Variants in CFAP69 observed in about 807,000 individuals in gnomAD.
The protein encoded by CFAP69 is cilia and flagella associated protein 69.
CFAP69 carries 92 observed loss-of-function variants against 123.0 expected under a neutral mutation model. The observed-to-expected ratio is 0.75, with a 90% CI of 0.63 to 0.89. The LOEUF (loss-of-function observed/expected upper bound fraction) is 0.89. Among genes scored for constraint, CFAP69 ranks in the 40% least tolerant of loss-of-function variants. The pLI, the probability that CFAP69 is intolerant of heterozygous loss-of-function variation, is 0.00. For missense variants in CFAP69, 1,067 were observed against 1,096.9 expected (o/e 0.97, Z 0.39); for synonymous variants, 380 against 364.3 (o/e 1.04, Z -0.49).
At chr7:90,275,590 C>CA (rs1788470666) in intron 9 of CFAP69, among the ~76,000 whole-genome samples, 1 of 62,040 alleles carries the variant, frequency 1.6e-5, no homozygotes, top group Non-Finnish European at 2.8e-5. Flanking sequence ...GGCCAAAAGC[C>CA]TTTTTTTTTT....
At chr7:90,303,558 T>C (rs778601938) in intron 17 of CFAP69, 1 of 961,424 alleles carries the variant, frequency 1.0e-6, no homozygotes, top group Non-Finnish European at 1.2e-6. Flanking sequence ...TTTTATTGTT[T>C]CTGAGTTTTG....
rs1796216990 is a variant in CFAP69, at chr7:90,245,519, T to G, written c.95T>G (p.Val32Gly). The G allele has an allele frequency of 1.3e-6, 2 of 1,515,366 alleles. No individual in the cohort carries two copies. The highest frequency in any genetic ancestry group is 1.5e-5 in the African/African-American group (1 of 67,896). 93.9% of individuals were successfully genotyped at this position (1,515,366 alleles called of 1,614,324 possible). A position where few individuals can be genotyped will look rare whatever the true frequency, so the allele number is the denominator to read the frequency against. ...SSSSQIPVVG[V>G]VTEDDEAQDV... ...TCCAGTCAAATCCCGGTGGTTGGGG[T>G]GGTGACGGAGGACGATGAGGCGCAG... The change falls in exon 1 of 23, where the codon GTG becomes GGG. Residue 32 changes from valine to glycine, a missense_variant. Val to Gly is a moderately radical substitution (Grantham distance 109). Coordinates refer to ENST00000389297, the MANE Select transcript of CFAP69 (RefSeq NM_001039706.3).
chr7:90,286,438 T>G, intron 14 of CFAP69, 39 bp downstream of exon 14: 2 of 1,598,548 alleles, frequency 1.3e-6, no homozygotes, highest in Non-Finnish European at 1.7e-6. Context: ...GGTCTCCCAG[T>G]CACCTAACAC....
intron 2 of CFAP69, among the ~76,000 whole-genome samples, chr7:90,256,555 G>A (rs753926637): frequency 2.0e-5 from 3 of 151,994 alleles, no homozygotes; most frequent in African/African-American, 7.2e-5. Context: ...AAGTAAGTGG[G>A]TTGACCATAG....
chr7:90,314,269 AT>A (rs1487896918), downstream of CFAP69, among the ~76,000 whole-genome samples: 1 of 152,180 alleles, frequency 6.6e-6, no homozygotes, highest in Non-Finnish European at 1.5e-5. Context: ...AGTTTAGTTA[AT>A]ATTGTATTGG....
At chr7:90,256,889 T>A (rs1490338875) in intron 2 of CFAP69, among the ~76,000 whole-genome samples, 2 of 152,212 alleles carry the variant, frequency 1.3e-5, no homozygotes, top group Admixed American at 6.5e-5. Context: ...TGGAAACACA[T>A]CACTGTGTAG....
At chr7:90,307,890 A>G (rs1716067120) in intron 21 of CFAP69, 36 bp downstream of exon 21, 1 of 1,351,726 alleles carries the variant, frequency 7.4e-7, no homozygotes, top group Admixed American at 2.1e-5. Flanking sequence ...TCCACAACAA[A>G]TAGCCAACTC....
chr7:90,258,937 T>C (rs1797974628), intron 3 of CFAP69, among the ~76,000 whole-genome samples: 1 of 152,218 alleles, frequency 6.6e-6, no homozygotes, highest in Non-Finnish European at 1.5e-5. Flanking sequence ...TGGGCAGTTG[T>C]ACCTTTGATA....
chr7:90,315,609 A>G (rs1794731148), downstream of CFAP69, among the ~76,000 whole-genome samples: 1 of 152,158 alleles, frequency 6.6e-6, no homozygotes, highest in African/African-American at 2.4e-5. Flanking sequence ...TGATTGGTGG[A>G]GAGTGGGAAG....
chr7:90,284,471 G>A (rs1789965664), intron 13 of CFAP69, among the ~76,000 whole-genome samples: 2 of 152,144 alleles, frequency 1.3e-5, no homozygotes, highest in Middle Eastern at 3.4e-3. Flanking sequence ...GTAGACACTG[G>A]GGTTACAAAC....
intron 3 of CFAP69, among the ~76,000 whole-genome samples, chr7:90,259,264 C>T (rs752350624): frequency 1.8e-4 from 27 of 151,982 alleles, no homozygotes; most frequent in Admixed American, 1.6e-3. Context: ...AAACAAATAG[C>T]CAGGTGTGGT....
At position 90,300,058 on chromosome 7, in the gene CFAP69, T is replaced by C. The variant is rs767750535; in HGVS notation, c.2049T>C (p.Ile683=). The C allele has an allele frequency of 2.5e-6, 4 of 1,574,436 alleles. No individual in the cohort carries two copies. The change falls in exon 17 of 23, where the codon ATT becomes ATC. Residue 683 remains isoleucine (I), a splice_region_variant and synonymous_variant. Transcript: ENST00000389297. ...GVKRDKNGKI[I]DTKKPLFTSF... Reference sequence around the variant, plus strand: ...AACGTGATAAAAATGGGAAGATCATTGGTGAGTATATTTATAATTGTTAGT... The same window carrying C: ...AACGTGATAAAAATGGGAAGATCATCGGTGAGTATATTTATAATTGTTAGT...
intron 17 of CFAP69, chr7:90,301,508 G>A (rs1792803347): frequency 6.6e-6 from 1 of 151,964 alleles, no homozygotes; most frequent in Non-Finnish European, 1.5e-5. Flanking sequence ...AGGCCTCAGT[G>A]TGTGTTGTTC....
chr7:90,249,645 A>G (rs750047716), intron 1 of CFAP69, among the ~76,000 whole-genome samples: 1 of 152,076 alleles, frequency 6.6e-6, no homozygotes, highest in African/African-American at 2.4e-5. Flanking sequence ...TCTATTTTCT[A>G]TTTAGTTTTG....
At chr7:90,322,899 G>A in the CFAP69 span, among the ~76,000 whole-genome samples, 1 of 152,104 alleles carries the variant, frequency 6.6e-6, no homozygotes, top group Non-Finnish European at 1.5e-5. Flanking sequence ...CAGAAGAGTA[G>A]ACCTTAATAT....
chr7:90,297,777 G>A lies in CFAP69; in HGVS notation c.1804G>A (p.Glu602Lys), dbSNP rs777182713. The change falls in exon 16 of 23, where the codon GAG (glutamate) becomes AAG (lysine). Residue 602 changes from glutamate (E) to lysine (K), a missense_variant. By Grantham distance (56) the Glu-to-Lys change is moderately conservative. Coordinates refer to ENST00000389297, the MANE Select transcript of CFAP69 (RefSeq NM_001039706.3). ...WCCILGCYPS[E>K]DYFLEKEGIF... ...CTGTATTTTGGGATGTTATCCCTCA[G>A]AGGATTATTTTCTTGAAAAGGAAGG... 1.5e-5 allele frequency: 23 copies of A among 1,574,626 alleles called. No homozygotes were observed. Among genetic ancestry groups the A allele is most frequent in the Non-Finnish European group, 2.0e-5 (23 of 1,167,956 alleles).
Position 90,310,065 on chromosome 7 carries a change from T to C in CFAP69, c.2656-3T>C. The C allele has an allele frequency of 6.2e-7, 1 of 1,603,530 alleles. No individual in the cohort carries two copies. The highest frequency in any genetic ancestry group is 8.5e-7 in the Non-Finnish European group (1 of 1,174,850). Reference sequence around the variant, plus strand: ...TTTAGATATTTACCTTTTGCCTTTTTAGGTGCCCTCTGGTGGAGTAGTAAC... The same window carrying C: ...TTTAGATATTTACCTTTTGCCTTTTCAGGTGCCCTCTGGTGGAGTAGTAAC... On this transcript the variant is annotated splice_region_variant and splice_polypyrimidine_tract_variant and intron_variant, in intron 22 of 22. Coordinates refer to ENST00000389297, the MANE Select transcript of CFAP69 (RefSeq NM_001039706.3).
intron 1 of CFAP69, 57 bp from the exon 2 acceptor site, chr7:90,255,366 A>G (rs890703981): frequency 7.4e-7 from 1 of 1,357,790 alleles, no homozygotes; most frequent in African/African-American, 1.4e-5. Flanking sequence ...AGTGTGTTAG[A>G]TATGACTTAT....
At position 90,268,399 on chromosome 7, in the gene CFAP69, G is replaced by C. The variant is rs1799458856; in HGVS notation, c.532+15G>C. 1.3e-6 allele frequency: 2 copies of C among 1,549,158 alleles called. No homozygotes were observed. Among genetic ancestry groups the C allele is most frequent in the African/African-American group, 2.7e-5 (2 of 73,374 alleles). ...GCATATTCCAGGTGAAGTTTACAATGGTCTTTCAGTGATAACTTGTGTATG... is the reference window on the plus strand; with the variant it reads ...GCATATTCCAGGTGAAGTTTACAATCGTCTTTCAGTGATAACTTGTGTATG... On this transcript the variant is annotated intron_variant, in intron 6 of 22. Transcript: ENST00000389297.
Sources: allele counts gnomAD v4.1 joint callset (sites outside exome capture counted in the v4.1 genomes callset), GRCh38; gene constraint gnomAD v4.1.1; transcripts MANE v1.5; gene names NCBI Gene and HGNC (gene_info 2026-07-23, HGNC 2026-07-21).